STK10: variants seen among roughly 807,000 people sequenced by gnomAD.
STK10 encodes serine/threonine-protein kinase 10.
STK10 carries 78 observed loss-of-function variants against 113.8 expected under a neutral mutation model. The ratio of observed to expected loss-of-function variants is 0.69; its 90% CI spans 0.57 to 0.83. The LOEUF (loss-of-function observed/expected upper bound fraction) is 0.83, where lower values mean the gene tolerates loss of function less well. Ranked by LOEUF, STK10 falls within the 40% of genes least tolerant of loss-of-function variation. The pLI is 0.00. For missense variants in STK10, 1,109 were observed against 1,280.1 expected (o/e 0.87, Z 2.04); for synonymous variants, 465 against 494.7 (o/e 0.94, Z 0.80).
intron 3 of STK10, 29 bp downstream of exon 3, chr5:172,127,344 G>C: frequency 1.2e-6 from 2 of 1,613,292 alleles, no homozygotes; most frequent in Non-Finnish European, 1.7e-6. Context: ...GTCTGGTCCC[G>C]ACAATGCACC....
intron 2 of STK10, among the ~76,000 whole-genome samples, chr5:172,149,577 G>A (rs1029225942): frequency 3.3e-5 from 5 of 152,094 alleles, no homozygotes; most frequent in African/African-American, 7.2e-5. Flanking sequence ...CAGAGAGAGG[G>A]CAGGGGTTGG....
intron 12 of STK10, among the ~76,000 whole-genome samples, chr5:172,078,947 C>CCACACACACACA (rs57963957): frequency 9.7e-5 from 14 of 144,630 alleles, no homozygotes; most frequent in African/African-American, 3.0e-4. Flanking sequence ...TCTTATAAGT[C>CCACACACACACA]CACACACACA....
chr5:172,130,625 A>G (rs561202897), intron 2 of STK10, among the ~76,000 whole-genome samples: 23 of 152,304 alleles, frequency 1.5e-4, no homozygotes, highest in African/African-American at 5.5e-4. Context: ...GTGCCAACAC[A>G]GAGGAAAAGA....
chr5:172,161,305 T>A (rs898205567), intron 1 of STK10, among the ~76,000 whole-genome samples: 4 of 151,836 alleles, frequency 2.6e-5, no homozygotes, highest in African/African-American at 9.7e-5. Context: ...TACAAAAAAT[T>A]AGCCAGGCGT....
intron 1 of STK10, among the ~76,000 whole-genome samples, chr5:172,183,456 CTTTT>C (rs574488817): frequency 7.2e-6 from 1 of 139,754 alleles, no homozygotes. Context: ...GTAAACTTTA[CTTTT>C]TTTTTTTTTT....
chr5:172,147,582 T>TG (rs1291463737), intron 2 of STK10, among the ~76,000 whole-genome samples: 1 of 152,126 alleles, frequency 6.6e-6, no homozygotes, highest in Non-Finnish European at 1.5e-5. Context: ...TCAGTAGAGA[T>TG]GGGGTTTCAC....
chr5:172,160,534 A>C (rs150023508), intron 1 of STK10, among the ~76,000 whole-genome samples: 1 of 152,134 alleles, frequency 6.6e-6, no homozygotes, highest in East Asian at 1.9e-4. Flanking sequence ...ACAGCAATCT[A>C]TTGCAAAGCA....
chr5:172,141,576 C>G (rs1769972366), intron 2 of STK10, among the ~76,000 whole-genome samples: 1 of 141,082 alleles, frequency 7.1e-6, no homozygotes, highest in Non-Finnish European at 1.5e-5. Flanking sequence ...GAGCCAGACC[C>G]TGTCTCAAAA....
In STK10 at chr5:172,060,277, C is replaced by T. The variant is rs551556604; in HGVS notation, c.2212+862G>A. ...CAAAAATTAGCCAAGCGTGGTAGCA[C>T]GTGCCTGTAGTCCCAGCTACTTGGG... is the stretch of plus-strand genomic sequence containing the variant. On this transcript the variant is annotated intron_variant, in intron 14 of 18. Coordinates refer to ENST00000176763, the MANE Select transcript of STK10 (RefSeq NM_005990.4). Among the ~76,000 whole-genome samples the T allele has an allele frequency of 2.6e-5, 4 of 152,252 alleles. No homozygotes were observed. The East Asian group carries it at 7.7e-4, about 29-fold the overall frequency.
chr5:172,073,388 G>C (rs147494588), intron 12 of STK10, among the ~76,000 whole-genome samples: 1,628 of 152,190 alleles, frequency 0.011, 30 homozygotes, highest in African/African-American at 0.036. Context: ...CTGACCTCAA[G>C]TGGTCTGCCT....
At chr5:172,143,467 C>A (rs1461412216) in intron 2 of STK10, among the ~76,000 whole-genome samples, 3 of 152,192 alleles carry the variant, frequency 2.0e-5, no homozygotes, top group East Asian at 1.9e-4. Context: ...GGCCTGGATC[C>A]CCTCACCTCC....
chr5:172,085,333 A>C (rs913967070), intron 10 of STK10, among the ~76,000 whole-genome samples: 8 of 152,176 alleles, frequency 5.3e-5, no homozygotes, highest in Non-Finnish European at 1.2e-4. Flanking sequence ...ACTCACAGAA[A>C]AAATATCGGA....
intron 1 of STK10, among the ~76,000 whole-genome samples, chr5:172,170,586 T>C (rs1391006828): frequency 1.3e-5 from 2 of 152,222 alleles, no homozygotes; most frequent in African/African-American, 2.4e-5. Context: ...CCAGCCACCC[T>C]GGCACAGCTC....
At chr5:172,072,325 G>A (rs1161236320) in intron 12 of STK10, among the ~76,000 whole-genome samples, 8 of 151,774 alleles carry the variant, frequency 5.3e-5, no homozygotes, top group African/African-American at 1.9e-4. Context: ...GGAGTGCAGT[G>A]GCGCAATCTC....
intron 1 of STK10, among the ~76,000 whole-genome samples, chr5:172,169,856 A>G (rs77880254): frequency 0.01 from 1,579 of 152,262 alleles, 35 homozygotes; most frequent in African/African-American, 0.035. Flanking sequence ...GCAGGACCTA[A>G]GCTCAAGTCC....
intron 2 of STK10, among the ~76,000 whole-genome samples, chr5:172,132,526 C>T (rs1176095131): frequency 1.3e-5 from 2 of 151,970 alleles, no homozygotes; most frequent in Non-Finnish European, 2.9e-5. Context: ...TCCTCAGGAT[C>T]GGAAAGCTAA....
chr5:172,156,938 C>A, intron 1 of STK10, 150 bp from the exon 2 acceptor site: 2 of 836,350 alleles, frequency 2.4e-6, no homozygotes, highest in South Asian at 1.8e-5. Context: ...ACAATAGCCA[C>A]ACATCATGTC....
chr5:172,055,663 G>A lies in STK10; in HGVS notation c.2451C>T (p.Arg817=), dbSNP rs529939367. The A allele has an allele frequency of 3.2e-5, 50 of 1,582,022 alleles. 2 individuals carry two copies. The South Asian group carries it at 5.5e-4, about 17-fold the overall frequency. Residue 817 remains arginine (R), a synonymous_variant, in exon 16 of 19, where the codon CGC becomes CGT. Transcript: ENST00000176763. ...PKIQRSEGKT[R]MAMYKKSLHI... ...GGAGGCTCTTCTTGTACATGGCCAT[G>A]CGCGTCTTGCCCTCACTCCTCTGGA...
chr5:172,056,779 C>T (rs1767781764), intron 15 of STK10, among the ~76,000 whole-genome samples: 1 of 151,366 alleles, frequency 6.6e-6, no homozygotes, highest in South Asian at 2.1e-4. Context: ...GAGGCTGAGG[C>T]AGGAGAATCA....
Sources: gnomAD v4.1 joint callset for allele counts (sites outside exome capture counted in the v4.1 genomes callset) on GRCh38, gnomAD v4.1.1 for gene constraint, MANE v1.5 for transcripts, NCBI Gene and HGNC (gene_info 2026-07-23, HGNC 2026-07-21) for gene names.